Variants in KMO observed in about 807,000 individuals in gnomAD.
KMO encodes the protein kynurenine 3-monooxygenase, also known as kynurenine 3-hydroxylase.
In KMO, 24 loss-of-function variants were observed where a neutral mutation model predicts 57.8. The ratio of observed to expected loss-of-function variants is 0.42; its 90% CI spans 0.30 to 0.58. The LOEUF (loss-of-function observed/expected upper bound fraction) is 0.58. Ranked by LOEUF, KMO falls within the 20% of genes least tolerant of loss-of-function variation. The pLI is 0.22. For missense variants in KMO, 483 were observed against 588.2 expected, an observed-to-expected ratio of 0.82 and a Z score of 1.85; for synonymous variants, 210 against 193.6, an observed-to-expected ratio of 1.08 and a Z score of -0.70.
At chr1:241,534,427 A>T (rs1660685397) in intron 1 of KMO, among the ~76,000 whole-genome samples, 1 of 152,232 alleles carries the variant, frequency 6.6e-6, no homozygotes, top group African/African-American at 2.4e-5. Context: ...ACCACGTCAT[A>T]CATATGCTGG....
intron 8 of KMO, 77 bp downstream of exon 8, chr1:241,565,135 A>G: frequency 7.0e-6 from 6 of 852,630 alleles, no homozygotes; most frequent in Non-Finnish European, 1.2e-5. Context: ...TGTACTTAGA[A>G]TGTATCTACC....
At chr1:241,538,060 G>T (rs1487963972) in intron 1 of KMO, among the ~76,000 whole-genome samples, 1 of 152,188 alleles carries the variant, frequency 6.6e-6, no homozygotes, top group African/African-American at 2.4e-5. Flanking sequence ...AAGAAGCAGG[G>T]TGGTCTAAGG....
At chr1:241,574,522 T>C (rs1306714550) in intron 10 of KMO, among the ~76,000 whole-genome samples, 2 of 102,254 alleles carry the variant, frequency 2.0e-5, no homozygotes, top group African/African-American at 6.4e-5. Flanking sequence ...ACTGTAGAGA[T>C]GATCATATGG....
chr1:241,560,345 T>C (rs1661790001), intron 5 of KMO, among the ~76,000 whole-genome samples: 1 of 152,222 alleles, frequency 6.6e-6, no homozygotes, highest in Non-Finnish European at 1.5e-5. Flanking sequence ...TAGAGGCGAC[T>C]TCTGAAATAT....
At chr1:241,590,171 A>G (rs760624038) in intron 13 of KMO, 33 bp from the exon 14 acceptor site, 2 of 1,610,168 alleles carry the variant, frequency 1.2e-6, no homozygotes, top group Non-Finnish European at 1.7e-6. Flanking sequence ...CTGTTAAAGA[A>G]TACACAAGAA....
At position 241,591,967 on chromosome 1, in the gene KMO, A is replaced by T; in HGVS notation, c.1275A>T (p.Gly425=). The T allele has an allele frequency of 6.2e-7, 1 of 1,613,448 alleles. No homozygotes were observed. Among genetic ancestry groups the T allele is most frequent in the Non-Finnish European group, 8.5e-7 (1 of 1,179,556 alleles). Reference sequence around the variant, plus strand: ...CTGTCTTACAGGTGATAAACAAAGGACTCTTTTTCTTGGGATCACTGATAG... The same window carrying T: ...CTGTCTTACAGGTGATAAACAAAGGTCTCTTTTTCTTGGGATCACTGATAG... ...WHWQKKVINK[G]LFFLGSLIAI... The change falls in exon 15 of 15, where the codon GGA becomes GGT. Residue 425 remains glycine (G), a synonymous_variant. Coordinates refer to ENST00000366559, the MANE Select transcript of KMO (RefSeq NM_003679.5).
At chr1:241,548,162 G>A (rs1287515878) in intron 1 of KMO, among the ~76,000 whole-genome samples, 1 of 151,792 alleles carries the variant, frequency 6.6e-6, no homozygotes, top group Non-Finnish European at 1.5e-5. Flanking sequence ...GGGGCACAGT[G>A]GCTCATGCCT....
chr1:241,544,874 T>C (rs1661087207), intron 1 of KMO, among the ~76,000 whole-genome samples: 7 of 152,162 alleles, frequency 4.6e-5, no homozygotes, highest in Admixed American at 4.6e-4. Context: ...ACAATCCATG[T>C]TAGAAATTCA....
intron 14 of KMO, 137 bp downstream of exon 14, chr1:241,590,400 C>A: frequency 1.4e-6 from 1 of 713,398 alleles, no homozygotes; most frequent in Non-Finnish European, 2.4e-6. Context: ...AGAAACTGTC[C>A]TGAGTACAGA....
rs1661995633 is a variant in KMO at position 241,564,347 on chromosome 1, C to T, written c.616-640C>T. Among the ~76,000 whole-genome samples, 3 of 151,926 alleles carry T rather than the reference C, an allele frequency of 2.0e-5. No individual in the cohort carries two copies. In the South Asian group the frequency reaches 6.3e-4, roughly 32 times the overall value. Reference sequence around the variant, plus strand: ...TGGGTCTTTGGGTCAATTGATCTACCCAAGCAATTAATACTTATTCAGGCT... The same window carrying T: ...TGGGTCTTTGGGTCAATTGATCTACTCAAGCAATTAATACTTATTCAGGCT... On this transcript the variant is annotated intron_variant, in intron 7 of 14. Transcript: ENST00000366559.
At position 241,556,729 on chromosome 1, in the gene KMO, GA is replaced by G. The variant is rs948015393; in HGVS notation, c.361+1079del. 1.9e-4 allele frequency among the ~76,000 whole-genome samples: 28 copies of G among 149,034 alleles called. No individual in the cohort carries two copies. The South Asian group carries it at 3.2e-3, about 17-fold the overall frequency. ...CCTGTATCTACTAAAAATACAAAAAGAAAAAAAAAATTAGCTGAGCGTGGTG... is the reference window on the plus strand; with the variant it reads ...CCTGTATCTACTAAAAATACAAAAAGAAAAAAAAATTAGCTGAGCGTGGTG... On this transcript the variant is annotated intron_variant, in intron 5 of 14. Coordinates refer to ENST00000366559, the MANE Select transcript of KMO (RefSeq NM_003679.5).
chr1:241,550,886 C>A, intron 3 of KMO, 69 bp from the exon 4 acceptor site: 2 of 720,236 alleles, frequency 2.8e-6, no homozygotes, highest in South Asian at 2.4e-5. Flanking sequence ...ATTTAAAAAT[C>A]AACTTCTATC....
At chr1:241,551,870 C>T (rs1661403874) in intron 4 of KMO, among the ~76,000 whole-genome samples, 1 of 152,138 alleles carries the variant, frequency 6.6e-6, no homozygotes, top group Non-Finnish European at 1.5e-5. Flanking sequence ...AAAATGCAGT[C>T]TGATTCATTA....
chr1:241,537,741 C>A (rs190643163), intron 1 of KMO, among the ~76,000 whole-genome samples: 53 of 152,182 alleles, frequency 3.5e-4, no homozygotes, highest in Non-Finnish European at 5.9e-4. Context: ...AGGCAAGAGA[C>A]GGCATGCAGG....
intron 1 of KMO, among the ~76,000 whole-genome samples, chr1:241,539,319 G>T (rs561417094): frequency 4.0e-4 from 61 of 150,864 alleles, no homozygotes; most frequent in African/African-American, 1.5e-3. Flanking sequence ...GGGAGGCAAA[G>T]GTTTCAGTGA....
At position 241,594,679 on chromosome 1, in the gene KMO, G is replaced by T; in HGVS notation, c.*2526G>T. On this transcript the variant is annotated 3_prime_UTR_variant, in exon 15 of 15. Transcript: ENST00000366559. Reference sequence around the variant, plus strand: ...AGTCGGAGGCACAGAAGCTGCAAAAGGGATCTTCGAAACTGGGCAGAGAAA... The same window carrying T: ...AGTCGGAGGCACAGAAGCTGCAAAATGGATCTTCGAAACTGGGCAGAGAAA... The T allele has an allele frequency of 6.2e-7, 1 of 1,613,544 alleles. No homozygotes were observed. Among genetic ancestry groups the T allele is most frequent in the Non-Finnish European group, 8.5e-7 (1 of 1,179,810 alleles).
chr1:241,578,249 G>A (rs1034007360), intron 10 of KMO, among the ~76,000 whole-genome samples: 1 of 152,158 alleles, frequency 6.6e-6, no homozygotes, highest in African/African-American at 2.4e-5. Flanking sequence ...GAGCACCAGC[G>A]CTGCTTGACT....
At chr1:241,549,617 G>T (rs1349394296) in intron 2 of KMO, 60 bp from the exon 3 acceptor site, 3 of 990,940 alleles carry the variant, frequency 3.0e-6, no homozygotes, top group Non-Finnish European at 4.7e-6. Flanking sequence ...CAGTAATTTT[G>T]CTCATCCTGA....
At chr1:241,580,037 C>T (rs1330099377) in intron 10 of KMO, among the ~76,000 whole-genome samples, 1 of 152,160 alleles carries the variant, frequency 6.6e-6, no homozygotes, top group Non-Finnish European at 1.5e-5. Context: ...TTAACGCCTT[C>T]CCCCATGGAC....
Sources: allele counts gnomAD v4.1 joint callset (sites outside exome capture counted in the v4.1 genomes callset), GRCh38; gene constraint gnomAD v4.1.1; transcripts MANE v1.5; gene names NCBI Gene and HGNC (gene_info 2026-07-23, HGNC 2026-07-21).